SOX5: variants seen among roughly 807,000 people sequenced by gnomAD.
SOX5 encodes the protein transcription factor SOX-5.
Under a neutral mutation model 92.0 loss-of-function variants are expected in SOX5, and 9 were observed. That is an observed-to-expected ratio of 0.10 (90% CI 0.06 to 0.17). The LOEUF (loss-of-function observed/expected upper bound fraction) is 0.17, where lower values mean the gene tolerates loss of function less well. Among genes scored for constraint, SOX5 ranks in the 10% least tolerant of loss-of-function variants. The pLI is 1.00. For missense variants in SOX5, 642 were observed against 944.5 expected (o/e 0.68, Z 4.20); for synonymous variants, 344 against 336.3 (o/e 1.02, Z -0.25).
intron 1 of SOX5, among the ~76,000 whole-genome samples, chr12:23,936,513 T>C (rs1942588316): frequency 6.6e-6 from 1 of 150,744 alleles, no homozygotes; most frequent in African/African-American, 2.4e-5. Context: ...CACTTTGTGG[T>C]AGAAGAAGGC....
chr12:24,042,736 A>C (rs1475207412), intron 4 of SOX5, among the ~76,000 whole-genome samples: 2 of 152,178 alleles, frequency 1.3e-5, no homozygotes, highest in Admixed American at 6.5e-5. Context: ...TGCACTGAGA[A>C]TATAAAGGAT....
chr12:23,988,940 T>C (rs1019510642), intron 4 of SOX5, among the ~76,000 whole-genome samples: 1 of 152,136 alleles, frequency 6.6e-6, no homozygotes, highest in Admixed American at 6.6e-5. Context: ...GAATACAAGA[T>C]GAATAGTGTT....
intron 9 of SOX5, among the ~76,000 whole-genome samples, chr12:23,579,361 C>T (rs118124240): frequency 0.018 from 2,712 of 152,156 alleles, 46 homozygotes; most frequent in Non-Finnish European, 0.03. Context: ...CATTGTGTGA[C>T]CAGGCTAATG....
chr12:24,173,457 G>C (rs2139166088), intron 4 of SOX5, among the ~76,000 whole-genome samples: 2 of 152,336 alleles, frequency 1.3e-5, no homozygotes, highest in African/African-American at 4.8e-5. Context: ...CATATTTTGA[G>C]ACCTAATCAA....
chr12:24,313,459 G>A (rs148945823), intron 2 of SOX5, among the ~76,000 whole-genome samples: 133 of 152,302 alleles, frequency 8.7e-4, no homozygotes, highest in Middle Eastern at 6.8e-3. Flanking sequence ...GAGCCTAGCA[G>A]ATCAAAGTTA....
At chr12:24,022,597 C>T (rs936231660) in intron 4 of SOX5, among the ~76,000 whole-genome samples, 3 of 152,090 alleles carry the variant, frequency 2.0e-5, no homozygotes, top group South Asian at 2.1e-4. Context: ...GGTGTCCCTT[C>T]CCAGTGCCAA....
At chr12:23,854,918 AAT>A (rs1376968308) in intron 2 of SOX5, among the ~76,000 whole-genome samples, 3 of 152,260 alleles carry the variant, frequency 2.0e-5, no homozygotes, top group African/African-American at 7.2e-5. Flanking sequence ...ATAAGTTAAT[AAT>A]ATGTGTTATG....
chr12:24,293,002 T>G (rs942887220), intron 2 of SOX5, among the ~76,000 whole-genome samples: 1 of 152,156 alleles, frequency 6.6e-6, no homozygotes, highest in Non-Finnish European at 1.5e-5. Flanking sequence ...AACATATCCA[T>G]AGTGACTATA....
chr12:23,797,928 T>G (rs902215227), intron 3 of SOX5, among the ~76,000 whole-genome samples: 90 of 151,986 alleles, frequency 5.9e-4, no homozygotes, highest in Non-Finnish European at 1.1e-3. Context: ...GTCCTTTGTT[T>G]TTTTGTTTTG....
At chr12:23,814,409 G>C (rs1266818359) in intron 3 of SOX5, among the ~76,000 whole-genome samples, 2 of 152,174 alleles carry the variant, frequency 1.3e-5, no homozygotes, top group African/African-American at 2.4e-5. Flanking sequence ...CAATATGAGA[G>C]GTTCCTGTAG....
intron 5 of SOX5, among the ~76,000 whole-genome samples, chr12:23,739,072 T>G (rs1309722289): frequency 6.6e-6 from 1 of 152,184 alleles, no homozygotes; most frequent in Non-Finnish European, 1.5e-5. Context: ...AACTGAGTAT[T>G]TCTTCATGCC....
intron 3 of SOX5, among the ~76,000 whole-genome samples, chr12:23,828,758 A>G (rs2096271100): frequency 1.3e-5 from 2 of 152,094 alleles, no homozygotes; most frequent in South Asian, 4.1e-4. Context: ...GACATCAAAA[A>G]AAAAAAAAAG....
intron 2 of SOX5, among the ~76,000 whole-genome samples, chr12:24,287,400 G>A (rs1441473975): frequency 6.6e-6 from 1 of 152,036 alleles, no homozygotes; most frequent in African/African-American, 2.4e-5. Flanking sequence ...GGATACAGAG[G>A]AAACATGAAC....
rs1315283973 is a variant in SOX5, at chr12:24,095,120, CACACACACAGAGAGAG to C, written c.-2+118207_-2+118222del. The stretch of plus-strand genomic sequence containing the variant: ...ACACACACACACACACACACACACA[CACACACACAGAGAGAG>C]AGAGAGAGAGAGAGAGAGAGACAGA... On this transcript the variant is annotated intron_variant, in intron 4 of 4. Transcript: ENST00000446891. Among the ~76,000 whole-genome samples the C allele has an allele frequency of 9.4e-3, 959 of 102,148 alleles. 10 individuals are homozygous for C. The highest frequency in any genetic ancestry group is 0.028 in the African/African-American group (868 of 30,858). 67.0% of individuals were successfully genotyped at this position (102,148 alleles called of 152,430 possible).
chr12:23,760,470 G>A (rs1187835097), intron 3 of SOX5, among the ~76,000 whole-genome samples: 1 of 152,078 alleles, frequency 6.6e-6, no homozygotes, highest in Admixed American at 6.6e-5. Context: ...ATATTAAGAT[G>A]AGTCTAATTG....
At position 23,622,410 on chromosome 12, in the gene SOX5, C is replaced by T. The variant is rs144032637; in HGVS notation, c.1018-17877G>A. Among the ~76,000 whole-genome samples, 261 of 152,066 alleles carry T rather than the reference C, an allele frequency of 1.7e-3. 2 individuals are homozygous for T. The highest frequency in any genetic ancestry group is 6.1e-3 in the African/African-American group (252 of 41,496). ...GCTTTTTTAAAAAAATCTAATATTT[C>T]TCTTTTTTATTTGGATCATCACTTA... On this transcript the variant is annotated intron_variant, in intron 8 of 14. Coordinates refer to ENST00000451604, the MANE Select transcript of SOX5 (RefSeq NM_006940.6).
At chr12:23,715,562 A>G (rs1428931130) in intron 6 of SOX5, among the ~76,000 whole-genome samples, 1 of 152,192 alleles carries the variant, frequency 6.6e-6, no homozygotes, top group Non-Finnish European at 1.5e-5. Flanking sequence ...CAGAGAGCCC[A>G]TTATTACTCT....
intron 2 of SOX5, among the ~76,000 whole-genome samples, chr12:24,366,945 A>G (rs1007723180): frequency 1.3e-5 from 2 of 152,154 alleles, no homozygotes; most frequent in Non-Finnish European, 2.9e-5. Flanking sequence ...AAAAGAAAAA[A>G]AAAGGAAGAA....
intron 6 of SOX5, among the ~76,000 whole-genome samples, chr12:23,685,384 G>GC (rs200440665): frequency 0.036 from 5,540 of 152,014 alleles, 343 homozygotes; most frequent in African/African-American, 0.12. Flanking sequence ...CCAGAAAAGA[G>GC]CTCAAACATA....
Sources: gnomAD v4.1 joint callset for allele counts (sites outside exome capture counted in the v4.1 genomes callset) on GRCh38, gnomAD v4.1.1 for gene constraint, MANE v1.5 for transcripts, NCBI Gene and HGNC (gene_info 2026-07-23, HGNC 2026-07-21) for gene names.